The following DUSP15 variants were observed in gnomAD, a reference collection of about 807,000 sequenced individuals.
DUSP15 encodes the protein dual specificity protein phosphatase 15.
DUSP15 carries 23 observed loss-of-function variants against 26.3 expected under a neutral mutation model. The observed-to-expected ratio is 0.87, with a 90% CI of 0.63 to 1.24. The LOEUF (loss-of-function observed/expected upper bound fraction) is 1.24. Ranked by LOEUF, DUSP15 falls within the 50% of genes most tolerant of loss-of-function variation. DUSP15 has a pLI of 0.00. For synonymous variants in DUSP15, 143 were observed against 135.5 expected (o/e 1.06, Z -0.39); for missense variants, 364 against 320.6 (o/e 1.14, Z -1.03).
chr20:31,863,365 G>A (rs1414649539), intron 5 of DUSP15, among the ~76,000 whole-genome samples: 3 of 151,870 alleles, frequency 2.0e-5, no homozygotes, highest in Non-Finnish European at 2.9e-5. Flanking sequence ...GGAGGGAGAG[G>A]GTGGGAAATG....
chr20:31,862,794 T>C, intron 5 of DUSP15, 52 bp from the exon 6 acceptor site: 1 of 1,521,580 alleles, frequency 6.6e-7, no homozygotes, highest in South Asian at 1.3e-5. Context: ...ATGTCCTCCA[T>C]GCCCCCAGGC....
downstream of DUSP15, among the ~76,000 whole-genome samples, chr20:31,846,475 A>AGAGAGAGAGAGG (rs71274237): frequency 5.1e-4 from 41 of 79,674 alleles, no homozygotes; most frequent in African/African-American, 2.6e-3. Context: ...AGAGAGAGAG[A>AGAGAGAGAGAGG]GGAGAGAGAG....
At chr20:31,858,006 T>G (rs761168289), downstream of DUSP15, among the ~76,000 whole-genome samples, 1 of 152,166 alleles carries the variant, frequency 6.6e-6, no homozygotes, top group Non-Finnish European at 1.5e-5. This position sits in a 1 kb window ranked among gnomAD's most constrained non-coding sequence, Gnocchi z 4.4. Context: ...GTCCCTCATA[T>G]GTAGAGAACA....
chr20:31,846,472 GA>G (rs1568647348), downstream of DUSP15, among the ~76,000 whole-genome samples: 60 of 80,796 alleles, frequency 7.4e-4, no homozygotes, highest in African/African-American at 4.5e-3. Context: ...GAGAGAGAGA[GA>G]GAGGAGAGAG....
rs770211969 is a variant in DUSP15, at chr20:31,861,496, G to A, written c.615C>T (p.Pro205=). The A allele has an allele frequency of 6.5e-7, 1 of 1,532,412 alleles. No individual in the cohort carries two copies. The highest frequency in any genetic ancestry group is 1.2e-5 in the South Asian group (1 of 83,100). 94.9% of individuals were successfully genotyped at this position (1,532,412 alleles called of 1,614,324 possible). Residue 205 remains proline (P), a synonymous_variant, in exon 7 of 7, where the codon CCC becomes CCT. Coordinates refer to ENST00000339738, the MANE Select transcript of DUSP15 (RefSeq NM_080611.5). The part of the protein sequence containing the change: ...GTVQRLVPRT[P]REAHRPLPLL... The stretch of plus-strand genomic sequence containing the variant: ...GCGGCAGCGGCCGGTGGGCTTCCCG[G>A]GGCGTGCGCGGCACCAGGCGCTGCA...
chr20:31,869,522 G>A, intron 2 of DUSP15, 42 bp downstream of exon 2: 1 of 1,602,656 alleles, frequency 6.2e-7, no homozygotes, highest in Non-Finnish European at 8.5e-7. Flanking sequence ...GCCTGAGACA[G>A]GCAGAGTGCC....
At chr20:31,862,288 T>A (rs1164965866) in intron 6 of DUSP15, among the ~76,000 whole-genome samples, 3 of 152,158 alleles carry the variant, frequency 2.0e-5, no homozygotes, top group Admixed American at 6.5e-5. Context: ...TCCTTCAGGT[T>A]CCAGCCAGGT....
exon 10 of DUSP15, chr20:31,847,701 T>A (rs1251759919): frequency 6.6e-6 from 1 of 152,244 alleles, no homozygotes; most frequent in East Asian, 1.9e-4. Context: ...GTAGTCCCCC[T>A]TTCCAGTTCT....
At chr20:31,864,830 T>C (rs1208271102) in intron 4 of DUSP15, 123 bp downstream of exon 4, 2 of 1,036,290 alleles carry the variant, frequency 1.9e-6, no homozygotes, top group Non-Finnish European at 2.9e-6. Context: ...TGGGACTGGT[T>C]GAGTTGAACA....
At chr20:31,869,781 A>T in intron 1 of DUSP15, 184 bp from the exon 2 acceptor site, 1 of 1,441,070 alleles carries the variant, frequency 6.9e-7, no homozygotes. Context: ...GGCTCTGGGG[A>T]GGGTAGGCTA....
At chr20:31,848,293 C>T in exon 10 of DUSP15, 1 of 1,278,054 alleles carries the variant, frequency 7.8e-7, no homozygotes, top group African/African-American at 1.5e-5. Flanking sequence ...CCGCGATCCA[C>T]CTCTGCCGTC....
chr20:31,869,450 G>T (rs1034342595), intron 2 of DUSP15, 114 bp downstream of exon 2: 1 of 1,411,060 alleles, frequency 7.1e-7, no homozygotes, highest in Admixed American at 2.0e-5. Flanking sequence ...GCCTGGGGCC[G>T]CTTCCCTGCC....
downstream of DUSP15, among the ~76,000 whole-genome samples, chr20:31,860,440 A>G: frequency 6.6e-6 from 1 of 152,250 alleles, no homozygotes; most frequent in Non-Finnish European, 1.5e-5. Flanking sequence ...TTTGATGGGC[A>G]GCCCTGGCCT....
At position 31,862,644 on chromosome 20, in the gene DUSP15, G is replaced by T. The variant is rs755460266; in HGVS notation, c.362C>A (p.Thr121Asn). Residue 121 changes from threonine to asparagine, a missense_variant, in exon 6 of 7, where the codon ACC (threonine) becomes AAC (asparagine). Coordinates refer to ENST00000339738, the MANE Select transcript of DUSP15 (RefSeq NM_080611.5). ...WRDVLEAIKA[T>N]RPIANPNPGF... ...TGGGTTGGGGTTGGCGATGGGCCTG[G>T]TGGCCTTGATGGCTTCAAGCACGTC... 2 of 1,614,146 alleles carry T rather than the reference G, an allele frequency of 1.2e-6. No homozygotes were observed. Among genetic ancestry groups the T allele is most frequent in the South Asian group, 1.1e-5 (1 of 91,084 alleles).
At chr20:31,846,293 GACACACACACAC>G (rs71336552), downstream of DUSP15, among the ~76,000 whole-genome samples, 21 of 141,114 alleles carry the variant, frequency 1.5e-4, no homozygotes, top group East Asian at 1.7e-3. Flanking sequence ...CACAGACACA[GACACACACACAC>G]ACACACACAC....
intron 6 of DUSP15, among the ~76,000 whole-genome samples, chr20:31,851,000 G>A (rs2062459346): frequency 1.3e-5 from 2 of 152,236 alleles, no homozygotes; most frequent in Admixed American, 6.5e-5. Flanking sequence ...TGGGCGGACT[G>A]AAGGCCAGCT....
Position 31,867,631 on chromosome 20 carries a change from G to GTTTTGTTTTTT in DUSP15, c.56-479_56-478insAAAAAACAAAA, listed in dbSNP as rs2062797175. On this transcript the variant is annotated intron_variant, in intron 2 of 6. Coordinates refer to ENST00000339738, the MANE Select transcript of DUSP15 (RefSeq NM_080611.5). ...GCTGATGTGCAATGATGCCCACAAT[G>GTTTTGTTTTTT]TTTTTTTTTTTTTTTTTTTTTTTTT... Among the ~76,000 whole-genome samples the GTTTTGTTTTTT allele has an allele frequency of 2.3e-4, 18 of 77,652 alleles. 1 individual carries two copies. Among genetic ancestry groups the GTTTTGTTTTTT allele is most frequent in the African/African-American group, 8.7e-4 (16 of 18,300 alleles). 50.9% of individuals were successfully genotyped at this position (77,652 alleles called of 152,430 possible).
rs542913904 is a variant in DUSP15 at position 31,847,751 on chromosome 20, G to A, written c.*653C>T. 6.6e-5 allele frequency: 10 copies of A among 152,334 alleles called. No homozygotes were observed. The East Asian group carries it at 9.6e-4, about 15-fold the overall frequency. The allele number at this position is 152,334 out of a possible 1,614,324, so 9.4% of individuals were successfully genotyped here. ...CGTACAGCTTGCAAAGACCAGTGGG[G>A]CTTGGAGAAGGGCTGGTCTTCCACG... is the stretch of plus-strand genomic sequence containing the variant. On this transcript the variant is annotated 3_prime_UTR_variant, in exon 10 of 10. Coordinates refer to the DUSP15 transcript ENST00000278979.
At chr20:31,857,289 A>AG (rs1158242405), downstream of DUSP15, among the ~76,000 whole-genome samples, 1 of 150,892 alleles carries the variant, frequency 6.6e-6, no homozygotes, top group African/African-American at 2.4e-5. Flanking sequence ...GAGGTCCTCC[A>AG]GGGGGATCTT....
Sources: gnomAD v4.1 joint callset for allele counts (sites outside exome capture counted in the v4.1 genomes callset) on GRCh38, gnomAD v4.1.1 for gene constraint, Gnocchi (gnomAD v3.1) non-coding constraint, MANE v1.5 for transcripts, NCBI Gene and HGNC (gene_info 2026-07-23, HGNC 2026-07-21) for gene names.